Variants in RBFOX2 observed in about 807,000 individuals in gnomAD.
The protein encoded by RBFOX2 is RNA binding fox-1 homolog 2.
In RBFOX2, 10 loss-of-function variants were observed where a neutral mutation model predicts 49.1. The ratio of observed to expected loss-of-function variants is 0.20; its 90% confidence interval spans 0.13 to 0.35. The LOEUF (loss-of-function observed/expected upper bound fraction) is 0.35. Among genes scored for constraint, RBFOX2 ranks in the 10% least tolerant of loss-of-function variants. RBFOX2 has a pLI of 1.00. For synonymous variants in RBFOX2, 183 were observed against 187.4 expected (o/e 0.98, Z 0.19); for missense variants, 323 against 486.9 (o/e 0.66, Z 3.17).
chr22:36,019,487 G>A (rs545941648), intron 1 of RBFOX2, among the ~76,000 whole-genome samples: 40 of 152,340 alleles, frequency 2.6e-4, no homozygotes, highest in African/African-American at 7.2e-4. Flanking sequence ...AAATAAACAT[G>A]TAGTGCTGGG....
chr22:35,838,627 G>T (rs1433174631), intron 1 of RBFOX2, among the ~76,000 whole-genome samples: 1 of 152,146 alleles, frequency 6.6e-6, no homozygotes, highest in East Asian at 1.9e-4. Context: ...TTCAGCCTGC[G>T]CATTCGCTTC....
chr22:35,745,438 T>C (rs1466872451), intron 11 of RBFOX2, among the ~76,000 whole-genome samples: 2 of 152,240 alleles, frequency 1.3e-5, no homozygotes, highest in African/African-American at 4.8e-5. Context: ...AAATATCCTA[T>C]AAAGCATTCA....
intron 3 of RBFOX2, among the ~76,000 whole-genome samples, chr22:35,778,459 ACAAG>A (rs2147038219): frequency 6.6e-6 from 1 of 152,216 alleles, no homozygotes; most frequent in Admixed American, 6.5e-5. Context: ...TTTTTTTTAC[ACAAG>A]CAAAGTATAT....
At chr22:35,829,163 T>TA (rs558975525) in intron 1 of RBFOX2, among the ~76,000 whole-genome samples, 7 of 152,064 alleles carry the variant, frequency 4.6e-5, no homozygotes, top group Non-Finnish European at 7.4e-5. Flanking sequence ...TTTATAGACA[T>TA]AAAAAATTAT....
chr22:35,962,740 T>C (rs1291552394), upstream of RBFOX2, among the ~76,000 whole-genome samples: 3 of 152,112 alleles, frequency 2.0e-5, no homozygotes, highest in Admixed American at 6.5e-5. Context: ...AAATTGTTAC[T>C]CCTCACTCTC....
At chr22:35,783,633 G>A (rs1202967175) in intron 2 of RBFOX2, among the ~76,000 whole-genome samples, 4 of 152,082 alleles carry the variant, frequency 2.6e-5, no homozygotes, top group African/African-American at 7.2e-5. Context: ...AGCAGCTGCA[G>A]AGAACATCCG....
chr22:35,932,628 T>C (rs934307616), intron 1 of RBFOX2, among the ~76,000 whole-genome samples: 8 of 152,156 alleles, frequency 5.3e-5, no homozygotes, highest in Non-Finnish European at 1.0e-4. Flanking sequence ...CATCTGTAAT[T>C]CCAGCACTTT....
upstream of RBFOX2, among the ~76,000 whole-genome samples, chr22:35,965,826 GCTAT>G (rs1272435645): frequency 2.0e-5 from 3 of 152,268 alleles, no homozygotes; most frequent in African/African-American, 7.2e-5. Flanking sequence ...TGAAGGGAAA[GCTAT>G]CTATCAGCTG....
chr22:35,986,578 G>A lies in RBFOX2; in HGVS notation c.186+41662C>T, dbSNP rs567923907. 2.0e-5 allele frequency among the ~76,000 whole-genome samples: 3 copies of A among 152,252 alleles called. No homozygotes were observed. The South Asian group carries it at 6.2e-4, about 32-fold the overall frequency. On this transcript the variant is annotated intron_variant, in intron 1 of 13. Transcript: ENST00000438146. Reference sequence around the variant, plus strand: ...AGACAATGTTTTCATACTGTCCTTAGCAAAGGAAAAAGAACATGCATATTT... The same window carrying A: ...AGACAATGTTTTCATACTGTCCTTAACAAAGGAAAAAGAACATGCATATTT...
intron 9 of RBFOX2, 38 bp from the exon 12 acceptor site, chr22:35,746,599 TCC>T (rs1602032063): frequency 1.6e-5 from 21 of 1,351,202 alleles, no homozygotes; most frequent in Non-Finnish European, 2.1e-5. Flanking sequence ...CAGATACCTC[TCC>T]CCCCAGGTGT....
intron 10 of RBFOX2, among the ~76,000 whole-genome samples, chr22:35,746,232 G>A (rs570168689): frequency 7.5e-4 from 115 of 152,336 alleles, no homozygotes; most frequent in Middle Eastern, 3.4e-3. Context: ...GAGGAAGAGA[G>A]GGACTGGAGT....
chr22:35,864,474 C>A (rs192458896), intron 1 of RBFOX2, among the ~76,000 whole-genome samples: 5 of 152,238 alleles, frequency 3.3e-5, no homozygotes, highest in Admixed American at 3.3e-4. Context: ...TCATGTGAGG[C>A]CCCAAAGGTG....
At chr22:35,942,270 T>C (rs1161135770), upstream of RBFOX2, among the ~76,000 whole-genome samples, 1 of 152,120 alleles carries the variant, frequency 6.6e-6, no homozygotes, top group Non-Finnish European at 1.5e-5. Flanking sequence ...ACACCATGAA[T>C]AGGCAAAAAG....
At chr22:35,828,160 CAAAAAAAA>C (rs201383680) in intron 1 of RBFOX2, among the ~76,000 whole-genome samples, 10 of 66,622 alleles carry the variant, frequency 1.5e-4, no homozygotes, top group Admixed American at 3.6e-4. Context: ...GAATCTGTCT[CAAAAAAAA>C]AAAAAAAAAA....
chr22:35,779,745 C>A (rs997752436), intron 3 of RBFOX2, among the ~76,000 whole-genome samples: 1 of 152,136 alleles, frequency 6.6e-6, no homozygotes, highest in Non-Finnish European at 1.5e-5. Flanking sequence ...TCTTTACCAA[C>A]GTTACTGTTC....
At chr22:36,016,119 G>C (rs1325427403) in intron 1 of RBFOX2, among the ~76,000 whole-genome samples, 1 of 151,852 alleles carries the variant, frequency 6.6e-6, no homozygotes, top group Non-Finnish European at 1.5e-5. Context: ...AATCCATATA[G>C]ATCTGCTTTG....
intron 1 of RBFOX2, among the ~76,000 whole-genome samples, chr22:35,834,098 G>A (rs1052660674): frequency 1.3e-5 from 2 of 152,112 alleles, no homozygotes; most frequent in Admixed American, 6.6e-5. Context: ...AATATTTACT[G>A]AATACCCAAT....
chr22:35,903,350 C>T (rs1306384734), intron 1 of RBFOX2, among the ~76,000 whole-genome samples: 1 of 152,160 alleles, frequency 6.6e-6, no homozygotes, highest in Non-Finnish European at 1.5e-5. Context: ...TGAGATACTA[C>T]AATGCCATTT....
chr22:35,900,764 A>C (rs2048471606), intron 1 of RBFOX2, among the ~76,000 whole-genome samples: 1 of 152,180 alleles, frequency 6.6e-6, no homozygotes, highest in South Asian at 2.1e-4. Flanking sequence ...CTTAGATTTG[A>C]AGAATCTCAG....
Sources: gnomAD v4.1 joint callset for allele counts (sites outside exome capture counted in the v4.1 genomes callset) on GRCh38, gnomAD v4.1.1 for gene constraint, MANE v1.5 for transcripts, NCBI Gene and HGNC (gene_info 2026-07-23, HGNC 2026-07-21) for gene names.